Variants in UGT1A6 observed in about 807,000 individuals in gnomAD.
UGT1A6 encodes UDP glucuronosyltransferase family 1 member A6, also known as UDP-glucuronosyltransferase 1A6.
Under a neutral mutation model 44.4 loss-of-function variants are expected in UGT1A6, and 32 were observed. That is an observed-to-expected ratio of 0.72 (90% CI 0.54 to 0.97). The LOEUF (loss-of-function observed/expected upper bound fraction) is 0.97, where lower values mean the gene tolerates loss of function less well. Ranked by LOEUF, UGT1A6 falls within the 50% of genes least tolerant of loss-of-function variation. The probability of loss-of-function intolerance (pLI) is 0.00; values close to 1 mark genes in which losing one functional copy is unlikely to be tolerated. For missense variants in UGT1A6, 685 were observed against 661.9 expected (o/e 1.03, Z -0.38); for synonymous variants, 238 against 248.5 (o/e 0.96, Z 0.40).
At position 233,760,794 on chromosome 2, in the gene UGT1A6, ATTC is replaced by A. The variant is rs587776762; in HGVS notation, c.862-6234_862-6232del. On this transcript the variant is annotated intron_variant, in intron 1 of 4. Transcript: ENST00000305139. The stretch of plus-strand genomic sequence containing the variant: ...CCCAGTACCTGTCTCTGCCCACTGT[ATTC>A]TTCTTGCATGCACTGCCATGCAGCC... 8.7e-6 allele frequency: 14 copies of A among 1,613,302 alleles called. No homozygotes were observed. Among genetic ancestry groups the A allele is most frequent in the Non-Finnish European group, 1.2e-5 (14 of 1,179,518 alleles).
rs1699539864 is a variant in UGT1A6, at chr2:233,767,990, G to A, written c.1081+54G>A. ...CAAACCAGGGTCAAATTAAGAAAATGGCTTAAGCACAGCTATTCTAAAGGA... is the reference window on the plus strand; with the variant it reads ...CAAACCAGGGTCAAATTAAGAAAATAGCTTAAGCACAGCTATTCTAAAGGA... On this transcript the variant is annotated intron_variant, in intron 3 of 4. Coordinates refer to ENST00000305139, the MANE Select transcript of UGT1A6 (RefSeq NM_001072.4). 1.9e-5 allele frequency: 30 copies of A among 1,613,976 alleles called. No individual in the cohort carries two copies. In the South Asian group the frequency reaches 3.2e-4, roughly 17 times the overall value.
At chr2:233,738,602 T>A (rs1388412839) in intron 1 of UGT1A6, among the ~76,000 whole-genome samples, 2 of 152,210 alleles carry the variant, frequency 1.3e-5, no homozygotes, top group East Asian at 3.8e-4. Context: ...TGCTAAGCTT[T>A]AGCAAAGAAA....
intron 1 of UGT1A6, chr2:233,760,416 G>A (rs1575772039): frequency 6.2e-7 from 1 of 1,614,218 alleles, no homozygotes; most frequent in East Asian, 2.2e-5. Flanking sequence ...GGCTGAGCAT[G>A]CTTGGGGCCA....
At chr2:233,715,005 T>G (rs2076427841) in intron 1 of UGT1A6, among the ~76,000 whole-genome samples, 1 of 152,190 alleles carries the variant, frequency 6.6e-6, no homozygotes, top group African/African-American at 2.4e-5. Context: ...GCCTCCCAAG[T>G]AGCTGGAACT....
At chr2:233,732,423 T>C (rs1232820803) in intron 1 of UGT1A6, among the ~76,000 whole-genome samples, 1 of 152,264 alleles carries the variant, frequency 6.6e-6, no homozygotes, top group Non-Finnish European at 1.5e-5. Context: ...GGTTTTCTTC[T>C]AGGATTTTTA....
intron 1 of UGT1A6, among the ~76,000 whole-genome samples, chr2:233,744,802 A>T (rs1263878691): frequency 6.6e-6 from 1 of 151,904 alleles, no homozygotes; most frequent in Non-Finnish European, 1.5e-5. Context: ...GGGGATCCCT[A>T]GGATTTCCTG....
chr2:233,755,000 G>C, intron 1 of UGT1A6: 1 of 1,293,096 alleles, frequency 7.7e-7, no homozygotes, highest in Non-Finnish European at 1.0e-6. Flanking sequence ...GGAAGCTGAA[G>C]ACCTACTCGA....
chr2:233,748,321 A>G (rs1693916793), intron 1 of UGT1A6, among the ~76,000 whole-genome samples: 1 of 151,726 alleles, frequency 6.6e-6, no homozygotes, highest in African/African-American at 2.4e-5. Flanking sequence ...ACTAGGACTG[A>G]TGTGACTCAT....
chr2:233,762,111 A>T (rs899038640), intron 1 of UGT1A6, among the ~76,000 whole-genome samples: 1 of 152,200 alleles, frequency 6.6e-6, no homozygotes, highest in South Asian at 2.1e-4. Flanking sequence ...TGTCCGCTTC[A>T]CATCATGAGC....
intron 1 of UGT1A6, among the ~76,000 whole-genome samples, chr2:233,703,952 G>A (rs1407087431): frequency 1.3e-5 from 2 of 151,648 alleles, no homozygotes; most frequent in African/African-American, 4.8e-5. Context: ...GTGCAGTGGT[G>A]TGATCTTGGC....
intron 4 of UGT1A6, chr2:233,771,247 T>G (rs1205920576): frequency 6.6e-6 from 1 of 152,190 alleles, no homozygotes; most frequent in Non-Finnish European, 1.5e-5. Flanking sequence ...TAATTAGTCC[T>G]GAATAGGAGT....
chr2:233,712,608 G>A (rs889827578), intron 1 of UGT1A6, among the ~76,000 whole-genome samples: 3 of 152,186 alleles, frequency 2.0e-5, no homozygotes, highest in African/African-American at 7.2e-5. Flanking sequence ...GGGGACTAGG[G>A]CAATGGTGAC....
At chr2:233,761,183 A>C in intron 1 of UGT1A6, 1 of 1,614,192 alleles carries the variant, frequency 6.2e-7, no homozygotes, top group East Asian at 2.2e-5. Flanking sequence ...TTACATGCGT[A>C]TATTCTTTCA....
At chr2:233,736,121 A>G (rs1050675156) in intron 1 of UGT1A6, among the ~76,000 whole-genome samples, 2 of 152,066 alleles carry the variant, frequency 1.3e-5, no homozygotes, top group African/African-American at 4.8e-5. Context: ...ACTTGTTTCC[A>G]TTCTCCGCAT....
intron 1 of UGT1A6, chr2:233,760,760 C>G (rs1218181857): frequency 6.2e-7 from 1 of 1,614,064 alleles, no homozygotes; most frequent in African/African-American, 1.3e-5. Context: ...CCTTGCAGCC[C>G]CATCGTGGCC....
At chr2:233,735,613 C>G (rs2078673556) in intron 1 of UGT1A6, among the ~76,000 whole-genome samples, 1 of 152,148 alleles carries the variant, frequency 6.6e-6, no homozygotes, top group African/African-American at 2.4e-5. Context: ...CATCGATAGT[C>G]TTTACAATTT....
chr2:233,712,935 C>G, intron 1 of UGT1A6: 1 of 1,612,232 alleles, frequency 6.2e-7, no homozygotes, highest in East Asian at 2.2e-5. Context: ...ACGAAGGAAA[C>G]AATTCTAGGA....
rs879478240 is a variant in UGT1A6, at chr2:233,725,179, G to GAGAGGC, written c.861+31350_861+31355dup. On this transcript the variant is annotated intron_variant, in intron 1 of 4. Coordinates refer to ENST00000305139, the MANE Select transcript of UGT1A6 (RefSeq NM_001072.4). ...CTCTGCATGAGAGGGAGACCGTGGGGAGAGGCAGAGGCAGAGGCAGAGGCA... is the reference window on the plus strand; with the variant it reads ...CTCTGCATGAGAGGGAGACCGTGGGGAGAGGCAGAGGCAGAGGCAGAGGCAGAGGCA... Among the ~76,000 whole-genome samples the GAGAGGC allele has an allele frequency of 9.9e-4, 67 of 67,614 alleles. 14 individuals carry two copies. The highest frequency in any genetic ancestry group is 3.6e-3 in the East Asian group (12 of 3,306). 44.4% of individuals were successfully genotyped at this position (67,614 alleles called of 152,430 possible). A position where few individuals can be genotyped will look rare whatever the true frequency, so the allele number is the denominator to read the frequency against.
At chr2:233,743,446 AAAG>A (rs891586644) in intron 1 of UGT1A6, 1 of 1,364,544 alleles carries the variant, frequency 7.3e-7, no homozygotes, top group Non-Finnish European at 9.8e-7. Context: ...TCCTGTATCA[AAAG>A]AAGAAAAAAC....
Sources: allele counts gnomAD v4.1 joint callset (sites outside exome capture counted in the v4.1 genomes callset), GRCh38; gene constraint gnomAD v4.1.1; transcripts MANE v1.5; gene names NCBI Gene and HGNC (gene_info 2026-07-23, HGNC 2026-07-21).